The following RANBP2 variants were observed in gnomAD, a reference collection of about 807,000 sequenced individuals.
The protein encoded by RANBP2 is RAN binding protein 2.
A neutral mutation model predicts 303.6 loss-of-function variants in RANBP2; 57 were observed. That is an observed-to-expected ratio of 0.19 (90% CI 0.15 to 0.23). The LOEUF is 0.23. Ranked by LOEUF, RANBP2 falls within the 10% of genes least tolerant of loss-of-function variation. RANBP2 has a pLI of 1.00. For missense variants in RANBP2, 3,138 were observed against 3,780.8 expected (o/e 0.83, Z 4.46); for synonymous variants, 1,167 against 1,301.5 (o/e 0.90, Z 2.23).
chr2:108,975,844 C>T, the RANBP2 span, among the ~76,000 whole-genome samples: 2 of 152,172 alleles, frequency 1.3e-5, no homozygotes, highest in African/African-American at 2.4e-5. Context: ...GGCCACCCCT[C>T]AACTGCTGGA....
the RANBP2 span, among the ~76,000 whole-genome samples, chr2:109,736,106 A>AAC: frequency 6.6e-6 from 1 of 152,210 alleles, no homozygotes; most frequent in Non-Finnish European, 1.5e-5. Context: ...TAAATTCTAA[A>AAC]ACACACACTT....
At chr2:109,736,309 T>C in the RANBP2 span, among the ~76,000 whole-genome samples, 2 of 152,152 alleles carry the variant, frequency 1.3e-5, no homozygotes, top group South Asian at 2.1e-4. Flanking sequence ...CCAAGTTGCA[T>C]GAGGCAGCTA....
At chr2:109,054,696 CAAAAA>C in the RANBP2 span, among the ~76,000 whole-genome samples, 3 of 57,854 alleles carry the variant, frequency 5.2e-5, no homozygotes, top group Non-Finnish European at 3.8e-5. Context: ...GACTCCGTCT[CAAAAA>C]AAAAAAAAAA....
the RANBP2 span, among the ~76,000 whole-genome samples, chr2:109,163,497 C>G: frequency 1.5e-5 from 2 of 131,290 alleles, no homozygotes; most frequent in East Asian, 4.8e-4. Flanking sequence ...CTCCCGGGTT[C>G]ACGCCATTCT....
intron 1 of RANBP2, among the ~76,000 whole-genome samples, chr2:108,726,825 GGTGATGACTCTTAACGAGCAT>G (rs1694751278): frequency 6.6e-6 from 1 of 151,932 alleles, no homozygotes; most frequent in African/African-American, 2.4e-5. Context: ...ATTAGGGAGT[GGTGATGACTCTTAACGAGCAT>G]GCTGCCTTCA....
the RANBP2 span, among the ~76,000 whole-genome samples, chr2:109,724,660 C>A: frequency 1.2e-4 from 19 of 152,264 alleles, no homozygotes; most frequent in Admixed American, 5.2e-4. Flanking sequence ...AGTGAGCTGG[C>A]AAGGCACCTG....
the RANBP2 span, among the ~76,000 whole-genome samples, chr2:109,099,729 G>A: frequency 2.7e-4 from 41 of 152,218 alleles, no homozygotes; most frequent in Non-Finnish European, 5.0e-4. Flanking sequence ...TATCCCTAGC[G>A]GAGCCAGGAG....
chr2:108,804,765 C>T, the RANBP2 span: 1 of 815,978 alleles, frequency 1.2e-6, no homozygotes, highest in South Asian at 3.8e-5. Context: ...CTTGTGCTTG[C>T]ATACACTGAT....
chr2:109,459,703 C>T, the RANBP2 span, among the ~76,000 whole-genome samples: 2 of 152,190 alleles, frequency 1.3e-5, no homozygotes, highest in Non-Finnish European at 2.9e-5. Context: ...GGCTGAGTGG[C>T]AGTCTTGAAT....
chr2:109,238,207 A>T, the RANBP2 span, among the ~76,000 whole-genome samples: 523 of 152,318 alleles, frequency 3.4e-3, 4 homozygotes, highest in African/African-American at 0.012. Flanking sequence ...TCTTAAAAAA[A>T]AATAATAAAA....
the RANBP2 span, among the ~76,000 whole-genome samples, chr2:108,836,907 A>AT: frequency 6.7e-6 from 1 of 148,898 alleles, no homozygotes; most frequent in Non-Finnish European, 1.5e-5. Flanking sequence ...TTTAGTATTG[A>AT]TTTTGTATTC....
At chr2:108,752,273 A>G (rs1346662858) in intron 12 of RANBP2, among the ~76,000 whole-genome samples, 1 of 151,898 alleles carries the variant, frequency 6.6e-6, no homozygotes, top group African/African-American at 2.4e-5. Context: ...AAAAAAAAAA[A>G]TTAGCACAAG....
At chr2:109,239,140 T>C in the RANBP2 span, among the ~76,000 whole-genome samples, 1 of 152,190 alleles carries the variant, frequency 6.6e-6, no homozygotes, top group African/African-American at 2.4e-5. Context: ...AGCTCAGAAC[T>C]CTGTGAGCAC....
chr2:108,853,720 C>T, the RANBP2 span, among the ~76,000 whole-genome samples: 1 of 147,786 alleles, frequency 6.8e-6, no homozygotes, highest in African/African-American at 2.5e-5. Context: ...GAGATGAGCT[C>T]TTGCCATGTT....
At chr2:109,466,561 A>G in the RANBP2 span, among the ~76,000 whole-genome samples, 1 of 152,216 alleles carries the variant, frequency 6.6e-6, no homozygotes, top group Non-Finnish European at 1.5e-5. Flanking sequence ...TATCTGTTTC[A>G]GAGCACAAGT....
At chr2:108,773,485 G>T (rs1677653829) in intron 23 of RANBP2, among the ~76,000 whole-genome samples, 1 of 152,006 alleles carries the variant, frequency 6.6e-6, no homozygotes, top group Non-Finnish European at 1.5e-5. Context: ...CTACACAGGG[G>T]CTATATGCCA....
intron 3 of RANBP2, 80 bp from the exon 4 acceptor site, chr2:108,731,242 C>T: frequency 6.5e-7 from 1 of 1,537,524 alleles, no homozygotes; most frequent in Non-Finnish European, 8.7e-7. Context: ...AATTTTTTAA[C>T]CTTTATATAT....
the RANBP2 span, chr2:108,931,045 C>A: frequency 6.2e-7 from 1 of 1,612,784 alleles, no homozygotes; most frequent in African/African-American, 1.3e-5. Context: ...GAAAGACATG[C>A]GTCATTAGCT....
the RANBP2 span, chr2:109,129,596 A>T: frequency 2.5e-5 from 37 of 1,480,394 alleles, no homozygotes; most frequent in Non-Finnish European, 3.1e-5. Flanking sequence ...GCTGCTGCGC[A>T]GAGCGAGGGC....
Sources: allele counts gnomAD v4.1 joint callset (sites outside exome capture counted in the v4.1 genomes callset), GRCh38; gene constraint gnomAD v4.1.1; transcripts MANE v1.5; gene names NCBI Gene and HGNC (gene_info 2026-07-23, HGNC 2026-07-21).